Variants in TMEM108 observed in about 807,000 individuals in gnomAD.
The protein encoded by TMEM108 is cancer/testis antigen 124.
Under a neutral mutation model 35.1 loss-of-function variants are expected in TMEM108, and 12 were observed. The ratio of observed to expected loss-of-function variants is 0.34; its 90% CI spans 0.22 to 0.55. The LOEUF is 0.55. TMEM108 is among the 20% of genes least tolerant of loss of function. The pLI, the probability that TMEM108 is intolerant of heterozygous loss-of-function variation, is 0.89. For synonymous variants in TMEM108, 287 were observed against 308.6 expected (o/e 0.93, Z 0.73); for missense variants, 680 against 753.3 (o/e 0.90, Z 1.14).
chr3:133,324,188 A>G (rs1042859380), intron 3 of TMEM108, among the ~76,000 whole-genome samples: 1 of 152,224 alleles, frequency 6.6e-6, no homozygotes, highest in African/African-American at 2.4e-5. Context: ...TAATTAAACT[A>G]AAAACCTTCT....
intron 3 of TMEM108, among the ~76,000 whole-genome samples, chr3:133,297,865 G>C (rs548699815): frequency 6.6e-6 from 1 of 152,178 alleles, no homozygotes; most frequent in Non-Finnish European, 1.5e-5. Context: ...GGAAAGGAAG[G>C]AATGTTTGGC....
intron 3 of TMEM108, among the ~76,000 whole-genome samples, chr3:133,301,147 C>A (rs1947220016): frequency 6.6e-6 from 1 of 152,066 alleles, no homozygotes; most frequent in African/African-American, 2.4e-5. Flanking sequence ...TATTCCCTGT[C>A]CCTTTGATGC....
chr3:133,299,066 T>C (rs1465928555), intron 3 of TMEM108, among the ~76,000 whole-genome samples: 1 of 152,114 alleles, frequency 6.6e-6, no homozygotes, highest in Non-Finnish European at 1.5e-5. Flanking sequence ...AGTTTGTTAG[T>C]GCTTGATTCA....
At chr3:133,259,800 G>A (rs925569517) in intron 3 of TMEM108, among the ~76,000 whole-genome samples, 22 of 152,160 alleles carry the variant, frequency 1.4e-4, no homozygotes. Flanking sequence ...TTAAAAACAG[G>A]ACAAACCTTG....
chr3:133,080,230 G>A (rs1158507594), intron 2 of TMEM108, among the ~76,000 whole-genome samples: 2 of 152,104 alleles, frequency 1.3e-5, no homozygotes, highest in Non-Finnish European at 1.5e-5. Context: ...CACTGTCTGC[G>A]GCCCCTTCTT....
At chr3:133,301,537 G>A (rs929378772) in intron 3 of TMEM108, among the ~76,000 whole-genome samples, 2 of 152,136 alleles carry the variant, frequency 1.3e-5, no homozygotes, top group Admixed American at 1.3e-4. Context: ...AACATTTGCA[G>A]AGCCTTTTGT....
intron 2 of TMEM108, among the ~76,000 whole-genome samples, chr3:133,218,250 G>C (rs917919389): frequency 6.6e-6 from 1 of 151,880 alleles, no homozygotes; most frequent in African/African-American, 2.4e-5. Context: ...ATGTGTGTTT[G>C]TTTCTTGTAT....
chr3:133,281,512 C>T (rs903685735), intron 3 of TMEM108, among the ~76,000 whole-genome samples: 15 of 152,166 alleles, frequency 9.9e-5, no homozygotes, highest in African/African-American at 3.6e-4. Flanking sequence ...TGCATTGTAA[C>T]CAAGGACAGC....
chr3:133,358,093 C>A (rs1379893440), intron 3 of TMEM108, among the ~76,000 whole-genome samples: 1 of 152,054 alleles, frequency 6.6e-6, no homozygotes, highest in African/African-American at 2.4e-5. Flanking sequence ...GCTCACTTGT[C>A]CTCAGATGGT....
intron 2 of TMEM108, among the ~76,000 whole-genome samples, chr3:133,125,324 T>C (rs1408505453): frequency 1.3e-5 from 2 of 152,220 alleles, no homozygotes; most frequent in Admixed American, 6.5e-5. Flanking sequence ...AGAGACCCTC[T>C]GATGTGGGCT....
chr3:133,174,133 G>A (rs370891310), intron 2 of TMEM108, among the ~76,000 whole-genome samples: 2 of 152,354 alleles, frequency 1.3e-5, no homozygotes, highest in African/African-American at 4.8e-5. Flanking sequence ...GCTGGGGGAG[G>A]GTGCCTGCCA....
chr3:133,220,220 G>A (rs1945970731), intron 2 of TMEM108, among the ~76,000 whole-genome samples: 2 of 151,618 alleles, frequency 1.3e-5, no homozygotes, highest in Admixed American at 1.3e-4. Flanking sequence ...GTCCTTAAAG[G>A]TGAAATGAGT....
At chr3:133,350,915 A>G (rs913195795) in intron 3 of TMEM108, among the ~76,000 whole-genome samples, 2 of 152,204 alleles carry the variant, frequency 1.3e-5, no homozygotes, top group African/African-American at 4.8e-5. Flanking sequence ...CCCTCCAGGC[A>G]GGAGACTGAA....
At chr3:133,098,981 C>T (rs1289723897) in intron 2 of TMEM108, among the ~76,000 whole-genome samples, 2 of 152,200 alleles carry the variant, frequency 1.3e-5, no homozygotes, top group African/African-American at 2.4e-5. Context: ...TCACTGCCTA[C>T]AGTAGGGACT....
At chr3:133,083,179 CA>C (rs200330576) in intron 2 of TMEM108, among the ~76,000 whole-genome samples, 55 of 124,824 alleles carry the variant, frequency 4.4e-4, no homozygotes, top group South Asian at 5.9e-4. Flanking sequence ...AGCCCCCCCC[CA>C]CCCCCCGCCG....
At chr3:133,274,144 T>C (rs569536546) in intron 3 of TMEM108, among the ~76,000 whole-genome samples, 1 of 152,348 alleles carries the variant, frequency 6.6e-6, no homozygotes, top group East Asian at 1.9e-4. Context: ...GCTAAAATTA[T>C]CTGCACAGCG....
chr3:133,370,003 T>C (rs548598117), intron 3 of TMEM108, among the ~76,000 whole-genome samples: 8 of 152,328 alleles, frequency 5.3e-5, no homozygotes, highest in Non-Finnish European at 8.8e-5. Context: ...TACAGAAAAG[T>C]TGCAACAGTA....
chr3:133,084,647 A>G (rs963385656), intron 2 of TMEM108, among the ~76,000 whole-genome samples: 2 of 152,194 alleles, frequency 1.3e-5, no homozygotes, highest in Non-Finnish European at 2.9e-5. Context: ...CGTGTTTACT[A>G]TGGTCCAGGC....
At chr3:133,371,635 A>AC (rs2072678886) in intron 3 of TMEM108, among the ~76,000 whole-genome samples, 1 of 150,968 alleles carries the variant, frequency 6.6e-6, no homozygotes, top group South Asian at 2.1e-4. Context: ...AAAAAAAAAA[A>AC]AAAACCCACC....
Sources: gnomAD v4.1 joint callset for allele counts (sites outside exome capture counted in the v4.1 genomes callset) on GRCh38, gnomAD v4.1.1 for gene constraint, MANE v1.5 for transcripts, NCBI Gene and HGNC (gene_info 2026-07-23, HGNC 2026-07-21) for gene names.